PRKN: variants seen among roughly 807,000 people sequenced by gnomAD.
PRKN encodes the protein parkin RBR E3 ubiquitin protein ligase, also known as E3 ubiquitin-protein ligase parkin.
PRKN carries 56 observed loss-of-function variants against 59.5 expected under a neutral mutation model. The observed-to-expected ratio is 0.94, with a 90% confidence interval of 0.76 to 1.18. PRKN has a LOEUF of 1.18. Among genes scored for constraint, PRKN ranks in the 50% most tolerant of loss-of-function variants. The pLI, the probability that PRKN is intolerant of heterozygous loss-of-function variation, is 0.00. For synonymous variants in PRKN, 250 were observed against 222.1 expected (o/e 1.13, Z -1.12); for missense variants, 657 against 596.4 (o/e 1.10, Z -1.06).
At chr6:162,018,973 C>T (rs1783032050) in intron 5 of PRKN, among the ~76,000 whole-genome samples, 1 of 152,176 alleles carries the variant, frequency 6.6e-6, no homozygotes, top group Non-Finnish European at 1.5e-5. Flanking sequence ...TATATCACTA[C>T]ATTAAAATAT....
Position 161,530,918 on chromosome 6 carries a change from T to C in PRKN, c.1083+17936A>G, listed in dbSNP as rs1779181129. 6.6e-6 allele frequency among the ~76,000 whole-genome samples: 1 copy of C among 152,186 alleles called. No individual in the cohort carries two copies. Among genetic ancestry groups the C allele is most frequent in the Non-Finnish European group, 1.5e-5 (1 of 68,032 alleles). ...TTCAACAATTTCTTTCTAATGATAA[T>C]TCAAATCTTTACCAAAATCCTAACA... On this transcript the variant is annotated intron_variant, in intron 9 of 11. Coordinates refer to ENST00000366898, the MANE Select transcript of PRKN (RefSeq NM_004562.3). This position sits in a 1 kb window ranked among gnomAD's most constrained non-coding sequence, Gnocchi z 5.0.
chr6:162,555,388 T>A (rs1019777625), intron 1 of PRKN, among the ~76,000 whole-genome samples: 1 of 152,166 alleles, frequency 6.6e-6, no homozygotes, highest in Admixed American at 6.5e-5. Flanking sequence ...TAATGAGCAA[T>A]TTCAGTCATC....
chr6:161,426,644 T>TACACACACACACACACAC (rs546537464), intron 9 of PRKN, among the ~76,000 whole-genome samples: 8 of 31,048 alleles, frequency 2.6e-4, no homozygotes, highest in Middle Eastern at 0.018. Context: ...AACTCCCCTT[T>TACACACACACACACACAC]ACACACACAC....
chr6:162,641,306 CA>C (rs34612871), intron 1 of PRKN, among the ~76,000 whole-genome samples: 29,490 of 151,644 alleles, frequency 0.19, 3,507 homozygotes, highest in East Asian at 0.47. Flanking sequence ...GAGGCCCCCT[CA>C]AAACACAAAG....
intron 2 of PRKN, among the ~76,000 whole-genome samples, chr6:162,313,662 A>G (rs1056019701): frequency 1.3e-5 from 2 of 151,666 alleles, no homozygotes; most frequent in Non-Finnish European, 2.9e-5. Context: ...TAATTTTTGT[A>G]TTTTTAGTAG....
In PRKN at chr6:162,068,618, C is replaced by CA. The variant is rs559572586; in HGVS notation, c.535-14445dup. ...CTGGAGGCCTCCTGCCGTTCCTTGC[C>CA]ATGTGAGCTTCCTCACCTTGGCAGT... On this transcript the variant is annotated intron_variant, in intron 4 of 11. Coordinates refer to ENST00000366898, the MANE Select transcript of PRKN (RefSeq NM_004562.3). Among the ~76,000 whole-genome samples the CA allele has an allele frequency of 1.8e-4, 27 of 152,336 alleles. No homozygotes were observed. The East Asian group carries it at 4.8e-3, about 27-fold the overall frequency.
At chr6:161,677,791 G>A (rs1157409160) in intron 7 of PRKN, among the ~76,000 whole-genome samples, 1 of 152,176 alleles carries the variant, frequency 6.6e-6, no homozygotes, top group Non-Finnish European at 1.5e-5. Context: ...TAACATTAAG[G>A]TGCTTGACTT....
At chr6:162,079,102 T>C (rs1480673683) in intron 4 of PRKN, among the ~76,000 whole-genome samples, 1 of 152,024 alleles carries the variant, frequency 6.6e-6, no homozygotes, top group Non-Finnish European at 1.5e-5. Flanking sequence ...AGCTCAGCAC[T>C]CGAGCCTTTT....
At chr6:161,988,261 C>A (rs557985022) in intron 5 of PRKN, among the ~76,000 whole-genome samples, 29 of 152,040 alleles carry the variant, frequency 1.9e-4, no homozygotes, top group African/African-American at 6.3e-4. Context: ...CCGAGGCAGG[C>A]GGATCACCTG....
chr6:162,542,415 C>T (rs1778962409), intron 1 of PRKN, among the ~76,000 whole-genome samples: 1 of 152,120 alleles, frequency 6.6e-6, no homozygotes, highest in African/African-American at 2.4e-5. Flanking sequence ...TCTGATTAAT[C>T]CAACACCCAT....
intron 2 of PRKN, among the ~76,000 whole-genome samples, chr6:162,369,595 G>GA (rs1785636115): frequency 6.6e-6 from 1 of 152,056 alleles, no homozygotes; most frequent in East Asian, 1.9e-4. Context: ...CTCACAAAGA[G>GA]AAAAAAGTAA....
chr6:161,803,949 G>A (rs1317131692), intron 6 of PRKN, among the ~76,000 whole-genome samples: 1 of 152,212 alleles, frequency 6.6e-6, no homozygotes, highest in Non-Finnish European at 1.5e-5. Context: ...ACCAAAGAAG[G>A]AGGCGGTGTT....
chr6:162,422,977 A>AAAAAAG (rs397969833), intron 2 of PRKN, among the ~76,000 whole-genome samples: 1 of 145,510 alleles, frequency 6.9e-6, no homozygotes, highest in African/African-American at 2.6e-5. Flanking sequence ...AAAAAAAAAA[A>AAAAAAG]GCATCATAAG....
intron 7 of PRKN, among the ~76,000 whole-genome samples, chr6:161,678,812 G>A (rs1186474391): frequency 6.6e-6 from 1 of 151,984 alleles, no homozygotes; most frequent in Non-Finnish European, 1.5e-5. Flanking sequence ...GGCAATCCAC[G>A]CACCTTGGCC....
At chr6:161,879,732 G>C (rs1554239049) in intron 6 of PRKN, among the ~76,000 whole-genome samples, 2 of 152,086 alleles carry the variant, frequency 1.3e-5, no homozygotes, top group Non-Finnish European at 2.9e-5. Context: ...TTAGAAACTT[G>C]ATACTCTGAA....
intron 6 of PRKN, among the ~76,000 whole-genome samples, chr6:161,963,340 T>G (rs1780457746): frequency 6.6e-6 from 1 of 152,214 alleles, no homozygotes; most frequent in South Asian, 2.1e-4. Flanking sequence ...AATGAAAAGG[T>G]AAGGCATAAG....
intron 7 of PRKN, among the ~76,000 whole-genome samples, chr6:161,647,024 T>C (rs908820896): frequency 1.3e-5 from 2 of 152,212 alleles, no homozygotes; most frequent in East Asian, 3.8e-4. Flanking sequence ...AGTGGAAATA[T>C]GAGACATTGA....
intron 1 of PRKN, among the ~76,000 whole-genome samples, chr6:162,530,671 T>C (rs1280225176): frequency 6.6e-6 from 1 of 152,190 alleles, no homozygotes; most frequent in African/African-American, 2.4e-5. Context: ...AAGTCATGCA[T>C]GAGGGATCGC....
In PRKN at chr6:161,499,892, T is replaced by C. The variant is rs1234666086; in HGVS notation, c.1083+48962A>G. On this transcript the variant is annotated intron_variant, in intron 9 of 11. Transcript: ENST00000366898. The surrounding 1 kb of genome is among the most constrained non-coding windows in gnomAD (Gnocchi z 4.2). ...GAAATGGTGTCCAGGAATAATACAA[T>C]GAATTATTTGAAACCGCAGCTGTTC... is the stretch of plus-strand genomic sequence containing the variant. Among the ~76,000 whole-genome samples the C allele has an allele frequency of 6.6e-6, 1 of 152,154 alleles. No homozygotes were observed. Among genetic ancestry groups the C allele is most frequent in the Non-Finnish European group, 1.5e-5 (1 of 68,026 alleles).
Sources: gnomAD v4.1 joint callset for allele counts (sites outside exome capture counted in the v4.1 genomes callset) on GRCh38, gnomAD v4.1.1 for gene constraint, Gnocchi (gnomAD v3.1) non-coding constraint, MANE v1.5 for transcripts, NCBI Gene and HGNC (gene_info 2026-07-23, HGNC 2026-07-21) for gene names.